NAALADL2: variants seen among roughly 807,000 people sequenced by gnomAD.
NAALADL2 encodes the protein N-acetylated alpha-linked acidic dipeptidase like 2.
Under a neutral mutation model 87.2 loss-of-function variants are expected in NAALADL2, and 76 were observed. The observed-to-expected ratio is 0.87, with a 90% CI of 0.72 to 1.05. The LOEUF (loss-of-function observed/expected upper bound fraction) is 1.05. Ranked by LOEUF, NAALADL2 falls within the 50% of genes least tolerant of loss-of-function variation. The probability of loss-of-function intolerance (pLI) is 0.00; values close to 1 mark genes in which losing one functional copy is unlikely to be tolerated. For synonymous variants in NAALADL2, 354 were observed against 331.0 expected (o/e 1.07, Z -0.75); for missense variants, 1,089 against 945.8 (o/e 1.15, Z -1.99).
intron 1 of NAALADL2, among the ~76,000 whole-genome samples, chr3:174,986,639 G>A (rs1745917848): frequency 6.6e-6 from 1 of 152,028 alleles, no homozygotes; most frequent in Non-Finnish European, 1.5e-5. Context: ...GTATTATAAG[G>A]TGGCTCTCTA....
chr3:175,131,472 A>G (rs1224972575), intron 2 of NAALADL2, among the ~76,000 whole-genome samples: 1 of 152,176 alleles, frequency 6.6e-6, no homozygotes, highest in East Asian at 1.9e-4. Flanking sequence ...GTTGGGGGTA[A>G]GGTCACAGAT....
chr3:175,780,284 A>AG (rs1465958846), intron 13 of NAALADL2, among the ~76,000 whole-genome samples: 9 of 151,996 alleles, frequency 5.9e-5, no homozygotes, highest in Admixed American at 1.3e-4. Flanking sequence ...TCAAAAAAAA[A>AG]AAACCAATAA....
intron 3 of NAALADL2, among the ~76,000 whole-genome samples, chr3:174,800,004 CAGA>C (rs1718627796): frequency 6.6e-6 from 1 of 152,026 alleles, no homozygotes. Context: ...GGGTATCTGG[CAGA>C]AGAAATTTCT....
At chr3:175,444,754 G>A (rs143204939) in intron 5 of NAALADL2, among the ~76,000 whole-genome samples, 20 of 152,248 alleles carry the variant, frequency 1.3e-4, no homozygotes, top group Middle Eastern at 3.4e-3. Context: ...GCTGTGGTCC[G>A]AATGCACTGT....
At position 175,243,321 on chromosome 3, in the gene NAALADL2, AAC is replaced by A. The variant is rs113418317; in HGVS notation, c.819+9140_819+9141del. Among the ~76,000 whole-genome samples, 1,149 of 144,588 alleles carry A rather than the reference AAC, an allele frequency of 7.9e-3. 7 individuals are homozygous for A. The highest frequency in any genetic ancestry group is 0.023 in the African/African-American group (884 of 38,904). 94.9% of individuals were successfully genotyped at this position (144,588 alleles called of 152,430 possible). A position where few individuals can be genotyped will look rare whatever the true frequency, so the allele number is the denominator to read the frequency against. The stretch of plus-strand genomic sequence containing the variant: ...GTTTTGTTCTACCACTTTAGAAGGA[AAC>A]ACACACACACACACACACACACGCA... On this transcript the variant is annotated intron_variant, in intron 3 of 13. Coordinates refer to ENST00000454872, the MANE Select transcript of NAALADL2 (RefSeq NM_207015.3).
Position 175,803,519 on chromosome 3 carries a change from T to C in NAALADL2, c.*316T>C, listed in dbSNP as rs1292810171. On this transcript the variant is annotated 3_prime_UTR_variant, in exon 14 of 14. Coordinates refer to ENST00000454872, the MANE Select transcript of NAALADL2 (RefSeq NM_207015.3). ...AAAATTTCCAAGAAGTTCTGGACTA[T>C]CTTTGTTCCTATGGGGAGGGCATAT... The C allele has an allele frequency of 1.1e-5, 2 of 182,994 alleles. No individual in the cohort carries two copies. Among genetic ancestry groups the C allele is most frequent in the Non-Finnish European group, 2.3e-5 (2 of 87,440 alleles). The allele number at this position is 182,994 out of a possible 1,614,324, so 11.3% of individuals were successfully genotyped here.
At chr3:175,251,634 G>T (rs1376868460) in intron 3 of NAALADL2, among the ~76,000 whole-genome samples, 1 of 152,122 alleles carries the variant, frequency 6.6e-6, no homozygotes, top group Non-Finnish European at 1.5e-5. Flanking sequence ...GGAAAGAAGA[G>T]GTTCATTGTA....
At chr3:175,195,101 C>T (rs1349546910) in intron 2 of NAALADL2, among the ~76,000 whole-genome samples, 1 of 151,560 alleles carries the variant, frequency 6.6e-6, no homozygotes, top group Non-Finnish European at 1.5e-5. Context: ...GTTAATTCCA[C>T]ATGGAACTAT....
intron 9 of NAALADL2, among the ~76,000 whole-genome samples, chr3:175,504,568 TCTCTCTCTCTCTCTCTCTC>T (rs1730011986): frequency 6.0e-4 from 1 of 1,656 alleles, no homozygotes; most frequent in East Asian, 0.021. Context: ...TCTCTGTTTC[TCTCTCTCTCTCTCTCTCTC>T]TCTCTCTCTC....
chr3:175,116,921 A>C (rs74446088), intron 2 of NAALADL2, among the ~76,000 whole-genome samples: 91,397 of 151,152 alleles, frequency 0.6, 28,123 homozygotes, highest in African/African-American at 0.74. Context: ...GAGATATTGA[A>C]GAATGGATCA....
chr3:175,572,107 G>A lies in NAALADL2; in HGVS notation c.1654-3934G>A, dbSNP rs531712440. On this transcript the variant is annotated intron_variant, in intron 9 of 13. Transcript: ENST00000454872. ...AACAGAGAAACTCTGGGTTCAGTAGGTGAGAAACAAGCTCCAGGAGTATTC... is the reference window on the plus strand; with the variant it reads ...AACAGAGAAACTCTGGGTTCAGTAGATGAGAAACAAGCTCCAGGAGTATTC... 7.7e-4 allele frequency among the ~76,000 whole-genome samples: 118 copies of A among 152,266 alleles called. 1 individual carries two copies. The highest frequency in any genetic ancestry group is 2.7e-3 in the African/African-American group (114 of 41,546).
chr3:175,809,971 A>C lies in NAALADL2; in HGVS notation c.*6768A>C, dbSNP rs561871514. ...AAATTTGCTTTGATTAAAAACACAT[A>C]TCTCTCAAGAGGTGTCCCAATTACT... On this transcript the variant is annotated 3_prime_UTR_variant, in exon 14 of 14. Transcript: ENST00000454872. 18 of 152,146 alleles carry C rather than the reference A, an allele frequency of 1.2e-4. No individual in the cohort carries two copies. The highest frequency in any genetic ancestry group is 5.9e-4 in the Admixed American group (9 of 15,252). The allele number at this position is 152,146 out of a possible 1,614,324, so 9.4% of individuals were successfully genotyped here. A position where few individuals can be genotyped will look rare whatever the true frequency, so the allele number is the denominator to read the frequency against.
intron 11 of NAALADL2, among the ~76,000 whole-genome samples, chr3:175,681,233 A>G (rs1445295677): frequency 1.3e-5 from 2 of 152,224 alleles, no homozygotes; most frequent in Admixed American, 6.5e-5. Context: ...CAATAGAATC[A>G]AGAAGTGGTT....
chr3:175,560,735 C>T (rs62288382), intron 9 of NAALADL2, among the ~76,000 whole-genome samples: 19,728 of 152,210 alleles, frequency 0.13, 1,380 homozygotes, highest in Middle Eastern at 0.17. Flanking sequence ...GATTCTTCTG[C>T]CTCAGCCTCC....
chr3:175,349,091 T>C (rs16825518), intron 5 of NAALADL2, among the ~76,000 whole-genome samples: 13,819 of 151,558 alleles, frequency 0.091, 2,078 homozygotes, highest in African/African-American at 0.32. Flanking sequence ...TGTTGTACTA[T>C]GGATATATAG....
intron 1 of NAALADL2, among the ~76,000 whole-genome samples, chr3:174,444,805 G>A (rs779638677): frequency 1.8e-4 from 27 of 152,274 alleles, no homozygotes; most frequent in Middle Eastern, 6.8e-3. Flanking sequence ...AGAGATGTTA[G>A]TTAGGATTAG....
At chr3:175,571,676 G>A (rs959044648) in intron 9 of NAALADL2, among the ~76,000 whole-genome samples, 8 of 152,092 alleles carry the variant, frequency 5.3e-5, no homozygotes, top group Admixed American at 5.2e-4. Context: ...GCAGGTCTGT[G>A]AATTTGGCCT....
At chr3:174,597,719 T>G (rs778388224) in intron 2 of NAALADL2, among the ~76,000 whole-genome samples, 4 of 152,276 alleles carry the variant, frequency 2.6e-5, no homozygotes, top group Non-Finnish European at 5.9e-5. Flanking sequence ...AAGGGTTCAT[T>G]GGGAGAAGTC....
intron 3 of NAALADL2, among the ~76,000 whole-genome samples, chr3:174,839,785 A>G (rs1171066477): frequency 2.6e-5 from 4 of 152,106 alleles, no homozygotes; most frequent in African/African-American, 9.7e-5. Flanking sequence ...GCAAATCAGA[A>G]CCACAGTGTG....
Sources: gnomAD v4.1 joint callset for allele counts (sites outside exome capture counted in the v4.1 genomes callset) on GRCh38, gnomAD v4.1.1 for gene constraint, MANE v1.5 for transcripts, NCBI Gene and HGNC (gene_info 2026-07-23, HGNC 2026-07-21) for gene names.